The following CASR variants were observed in gnomAD, a reference collection of about 807,000 sequenced individuals.
CASR encodes extracellular calcium-sensing receptor.
In CASR, 23 loss-of-function variants were observed where a neutral mutation model predicts 69.1. That is an observed-to-expected ratio of 0.33 (90% CI 0.24 to 0.47). CASR has a LOEUF of 0.47. Ranked by LOEUF, CASR falls within the 20% of genes least tolerant of loss-of-function variation. The probability of loss-of-function intolerance (pLI) is 1.00; values close to 1 mark genes in which losing one functional copy is unlikely to be tolerated. For missense variants in CASR, 924 were observed against 1,356.1 expected, an observed-to-expected ratio of 0.68 and a Z score of 5.00; for synonymous variants, 541 against 544.7, an observed-to-expected ratio of 0.99 and a Z score of 0.10.
intron 1 of CASR, among the ~76,000 whole-genome samples, chr3:122,213,807 G>A (rs1205091269): frequency 6.6e-6 from 1 of 152,242 alleles, no homozygotes; most frequent in Non-Finnish European, 1.5e-5. Context: ...GCAAAGAGAA[G>A]GCAAGGATGA....
At chr3:122,190,974 C>T (rs931837110) in intron 1 of CASR, among the ~76,000 whole-genome samples, 6 of 152,248 alleles carry the variant, frequency 3.9e-5, no homozygotes, top group African/African-American at 1.4e-4. Context: ...ATTCTACTTA[C>T]TCCTAGCTCT....
chr3:122,215,553 G>GT (rs751188959), intron 1 of CASR, among the ~76,000 whole-genome samples: 12 of 152,038 alleles, frequency 7.9e-5, no homozygotes, highest in Admixed American at 2.0e-4. Context: ...AAATTTAAAG[G>GT]TTTTTTTAAA....
chr3:122,220,603 A>G (rs2074160571), intron 1 of CASR, among the ~76,000 whole-genome samples: 1 of 152,240 alleles, frequency 6.6e-6, no homozygotes, highest in Admixed American at 6.5e-5. Flanking sequence ...AAGTAACGAT[A>G]TTATTTTTGT....
chr3:122,209,739 A>G (rs986705750), intron 1 of CASR, among the ~76,000 whole-genome samples: 1 of 152,182 alleles, frequency 6.6e-6, no homozygotes, highest in Non-Finnish European at 1.5e-5. Context: ...AACTCATTTT[A>G]TGAGGCCAAC....
intron 5 of CASR, among the ~76,000 whole-genome samples, chr3:122,281,173 T>C (rs1321197249): frequency 6.6e-6 from 1 of 152,212 alleles, no homozygotes. Context: ...AAGGGTTTTG[T>C]TTATTTGTTT....
In CASR at chr3:122,287,894, G is replaced by A. The variant is rs1411057081; in HGVS notation, c.*2703G>A. Reference sequence around the variant, plus strand: ...CATGACAGTACACAGAGCTTATGGAGGCTAACAAAGCTTCCAGGGTACCAG... The same window carrying A: ...CATGACAGTACACAGAGCTTATGGAAGCTAACAAAGCTTCCAGGGTACCAG... On this transcript the variant is annotated 3_prime_UTR_variant, in exon 7 of 7. Coordinates refer to ENST00000639785, the MANE Select transcript of CASR (RefSeq NM_000388.4). The A allele has an allele frequency of 6.6e-6, 1 of 152,222 alleles. No individual in the cohort carries two copies. Among genetic ancestry groups the A allele is most frequent in the East Asian group, 1.9e-4 (1 of 5,202 alleles). The allele number at this position is 152,222 out of a possible 1,614,324, so 9.4% of individuals were successfully genotyped here. A position where few individuals can be genotyped will look rare whatever the true frequency, so the allele number is the denominator to read the frequency against.
intron 5 of CASR, among the ~76,000 whole-genome samples, chr3:122,276,526 G>C (rs2074823058): frequency 6.6e-6 from 1 of 152,102 alleles, no homozygotes. Flanking sequence ...TGTGGGACAA[G>C]CTTACATGAC....
intron 1 of CASR, among the ~76,000 whole-genome samples, chr3:122,248,040 A>C (rs1210403822): frequency 1.3e-5 from 2 of 152,344 alleles, no homozygotes; most frequent in Admixed American, 1.3e-4. Flanking sequence ...AGGGAGATGG[A>C]GGGCAAGACC....
intron 4 of CASR, among the ~76,000 whole-genome samples, chr3:122,266,336 G>T (rs2074693964): frequency 6.6e-6 from 1 of 151,832 alleles, no homozygotes; most frequent in Non-Finnish European, 1.5e-5. Context: ...CCCTCTTTTA[G>T]ATCTATGTGT....
intron 1 of CASR, among the ~76,000 whole-genome samples, chr3:122,188,376 G>C (rs71329264): frequency 3.0e-3 from 460 of 152,310 alleles, no homozygotes; most frequent in Non-Finnish European, 5.1e-3. Flanking sequence ...TGAGATTCTG[G>C]TCTGTTATCC....
At chr3:122,202,671 T>C (rs2073969037) in intron 1 of CASR, among the ~76,000 whole-genome samples, 1 of 152,266 alleles carries the variant, frequency 6.6e-6, no homozygotes, top group African/African-American at 2.4e-5. Flanking sequence ...CTTAATTTAA[T>C]GTAATTGAAT....
chr3:122,262,057 A>T lies in CASR; in HGVS notation c.1022A>T (p.Lys341Met). The T allele has an allele frequency of 6.2e-7, 1 of 1,614,232 alleles. No individual in the cohort carries two copies. Among genetic ancestry groups the T allele is most frequent in the African/African-American group, 1.3e-5 (1 of 75,060 alleles). Residue 341 changes from lysine (K) to methionine (M), a missense_variant, in exon 4 of 7, where the codon AAG (lysine) becomes ATG (methionine). By Grantham distance (95) the Lys-to-Met change is moderately conservative (BLOSUM62 -1). Coordinates refer to ENST00000639785, the MANE Select transcript of CASR (RefSeq NM_000388.4). ...TTCCTGAAGAAGGTCCATCCCAGGAAGTCTGTCCACAATGGTTTTGCCAAG... is the reference window on the plus strand; with the variant it reads ...TTCCTGAAGAAGGTCCATCCCAGGATGTCTGTCCACAATGGTTTTGCCAAG... ...REFLKKVHPR[K>M]SVHNGFAKEF...
chr3:122,219,383 C>T (rs2074149236), intron 1 of CASR, among the ~76,000 whole-genome samples: 1 of 152,134 alleles, frequency 6.6e-6, no homozygotes, highest in Non-Finnish European at 1.5e-5. Flanking sequence ...TGGCATGATT[C>T]CGTTGCATAA....
At chr3:122,246,098 G>T (rs144914369) in intron 1 of CASR, among the ~76,000 whole-genome samples, 94 of 152,264 alleles carry the variant, frequency 6.2e-4, no homozygotes, top group African/African-American at 2.2e-3. Flanking sequence ...GTGTCAGAAC[G>T]TTTCAGTGTA....
At chr3:122,262,956 A>G (rs373340081) in intron 4 of CASR, among the ~76,000 whole-genome samples, 7 of 152,246 alleles carry the variant, frequency 4.6e-5, no homozygotes, top group African/African-American at 1.7e-4. Flanking sequence ...AAAAGATTTG[A>G]TATTGAGTGT....
chr3:122,221,398 G>A (rs969803743), intron 1 of CASR, among the ~76,000 whole-genome samples: 1 of 152,112 alleles, frequency 6.6e-6, no homozygotes, highest in Admixed American at 6.5e-5. Flanking sequence ...GGACACCCCT[G>A]CCCATAGCAC....
At chr3:122,257,630 C>A in intron 3 of CASR, 1 of 434,810 alleles carries the variant, frequency 2.3e-6, no homozygotes, top group Non-Finnish European at 4.1e-6. Flanking sequence ...AAAACTGTGT[C>A]TTTTTTTAAA....
intron 5 of CASR, among the ~76,000 whole-genome samples, chr3:122,281,607 T>C (rs893438264): frequency 6.6e-6 from 1 of 152,250 alleles, no homozygotes; most frequent in Non-Finnish European, 1.5e-5. Flanking sequence ...CAAATGCTTT[T>C]TATTTATCTG....
At position 122,289,681 on chromosome 3, in the gene CASR, TCTC is replaced by T. The variant is rs2074995831; in HGVS notation, c.*4494_*4496del. On this transcript the variant is annotated 3_prime_UTR_variant, in exon 7 of 7. Coordinates refer to ENST00000639785, the MANE Select transcript of CASR (RefSeq NM_000388.4). ...GCACCGAGTGGGGCTAGGGGAACCT[TCTC>T]CTCTGTTGGGAATAACCACCACATT... is the stretch of plus-strand genomic sequence containing the variant. 6.6e-6 allele frequency: 1 copy of T among 152,276 alleles called. No homozygotes were observed. Among genetic ancestry groups the T allele is most frequent in the Non-Finnish European group, 1.5e-5 (1 of 68,168 alleles). The allele number at this position is 152,276 out of a possible 1,614,324, so 9.4% of individuals were successfully genotyped here.
Sources: allele counts gnomAD v4.1 joint callset (sites outside exome capture counted in the v4.1 genomes callset), GRCh38; gene constraint gnomAD v4.1.1; transcripts MANE v1.5; gene names NCBI Gene and HGNC (gene_info 2026-07-23, HGNC 2026-07-21).